Variants in GLI2 observed in about 807,000 individuals in gnomAD.
The protein encoded by GLI2 is GLI family zinc finger 2.
A neutral mutation model predicts 78.9 loss-of-function variants in GLI2; 22 were observed. The ratio of observed to expected loss-of-function variants is 0.28; its 90% CI spans 0.20 to 0.40. The LOEUF is 0.40. Ranked by LOEUF, GLI2 falls within the 10% of genes least tolerant of loss-of-function variation. The pLI, the probability that GLI2 is intolerant of heterozygous loss-of-function variation, is 1.00. For synonymous variants in GLI2, 974 were observed against 963.7 expected (o/e 1.01, Z -0.20); for missense variants, 2,097 against 2,213.2 (o/e 0.95, Z 1.05).
intron 1 of GLI2, among the ~76,000 whole-genome samples, chr2:120,784,441 T>A (rs967833460): frequency 2.6e-5 from 4 of 151,634 alleles, no homozygotes; most frequent in African/African-American, 9.7e-5. Context: ...TGTCTGGGGG[T>A]TGCAGGCTTC....
chr2:120,971,861 CTAGAGT>C (rs1287865796), intron 7 of GLI2, 74 bp from the exon 8 acceptor site: 3 of 1,239,376 alleles, frequency 2.4e-6, no homozygotes, highest in Non-Finnish European at 2.4e-6. Context: ...CGGAGAGATC[CTAGAGT>C]TAAAGTCCAA....
At chr2:120,780,530 C>T (rs1479323684) in intron 1 of GLI2, among the ~76,000 whole-genome samples, 1 of 152,202 alleles carries the variant, frequency 6.6e-6, no homozygotes, top group South Asian at 2.1e-4. Flanking sequence ...CGTTTGCTCC[C>T]CTTCCCAGCA....
In GLI2 at chr2:120,797,403, C is replaced by T. The variant is rs778954239; in HGVS notation, c.83C>T (p.Pro28Leu). The change falls in exon 2 of 14, where the codon CCG becomes CTG. Residue 28 changes from proline (P) to leucine (L), a missense_variant. Around this residue, in one of 5 missense-constraint regions of GLI2, gnomAD observed 578 missense variants for 612.0 expected, o/e 0.94. Transcript: ENST00000361492. ...CTGGAGGCCGCTGGCTTCCCCGACC[C>T]GGGTAAAAAGGCCTCTCCTTTGGTG... is the stretch of plus-strand genomic sequence containing the variant. ...GILEAAGFPD[P>L]GKKASPLVVA... 34 of 1,613,884 alleles carry T rather than the reference C, an allele frequency of 2.1e-5. No homozygotes were observed. Among genetic ancestry groups the T allele is most frequent in the Middle Eastern group, 1.6e-4 (1 of 6,084 alleles).
In GLI2 at chr2:120,748,464, G is replaced by A. The variant is rs183669821; in HGVS notation, c.-31+12179G>A. 3.9e-5 allele frequency among the ~76,000 whole-genome samples: 6 copies of A among 152,252 alleles called. No homozygotes were observed. In the East Asian group the frequency reaches 1.2e-3, roughly 29 times the overall value. Reference sequence around the variant, plus strand: ...GGTTGGGGAAGGAAGGGCAATCTGGGCAGAGGACCTCATAGGGCAAGTGCT... The same window carrying A: ...GGTTGGGGAAGGAAGGGCAATCTGGACAGAGGACCTCATAGGGCAAGTGCT... On this transcript the variant is annotated intron_variant, in intron 1 of 13. Coordinates refer to ENST00000361492, the MANE Select transcript of GLI2 (RefSeq NM_001374353.1).
At chr2:120,858,357 C>T (rs1211837242) in intron 2 of GLI2, among the ~76,000 whole-genome samples, 1 of 152,132 alleles carries the variant, frequency 6.6e-6, no homozygotes, top group African/African-American at 2.4e-5. Flanking sequence ...ATGGTCTCTC[C>T]CCATGCCCCC....
intron 2 of GLI2, among the ~76,000 whole-genome samples, chr2:120,871,881 A>G (rs915741243): frequency 6.6e-6 from 1 of 152,184 alleles, no homozygotes; most frequent in Non-Finnish European, 1.5e-5. Flanking sequence ...GGGCCCATTT[A>G]TTATGTTTCT....
At chr2:120,805,184 AT>A in intron 2 of GLI2, among the ~76,000 whole-genome samples, 1 of 152,208 alleles carries the variant, frequency 6.6e-6, no homozygotes, top group African/African-American at 2.4e-5. Flanking sequence ...TGGCCGCCCC[AT>A]TTCCCCAAGC....
chr2:120,762,445 A>G (rs900467769), intron 1 of GLI2, among the ~76,000 whole-genome samples: 1 of 152,140 alleles, frequency 6.6e-6, no homozygotes, highest in Non-Finnish European at 1.5e-5. Flanking sequence ...GGCTGGTGCC[A>G]AGGCTGGGCT....
chr2:120,893,388 T>C (rs1235446950), intron 2 of GLI2, among the ~76,000 whole-genome samples: 1 of 151,986 alleles, frequency 6.6e-6, no homozygotes, highest in Non-Finnish European at 1.5e-5. Context: ...TTAAGATTCT[T>C]GCTGGGTGCC....
chr2:120,963,606 C>G (rs1291826907), intron 5 of GLI2, among the ~76,000 whole-genome samples: 1 of 151,748 alleles, frequency 6.6e-6, no homozygotes, highest in African/African-American at 2.4e-5. Context: ...GTGTGTCCAC[C>G]TGGGGTGTGT....
At chr2:120,759,939 A>G (rs1020792658) in intron 1 of GLI2, among the ~76,000 whole-genome samples, 2 of 152,216 alleles carry the variant, frequency 1.3e-5, no homozygotes, top group African/African-American at 4.8e-5. Flanking sequence ...CTAAATATGT[A>G]TTTTACAAAA....
intron 2 of GLI2, among the ~76,000 whole-genome samples, chr2:120,853,049 G>A (rs1273700846): frequency 1.3e-5 from 2 of 152,198 alleles, no homozygotes; most frequent in African/African-American, 4.8e-5. Context: ...TCTGGCCCTC[G>A]ACATGATCGC....
chr2:120,951,554 G>A, intron 4 of GLI2, 109 bp downstream of exon 4: 1 of 700,140 alleles, frequency 1.4e-6, no homozygotes. Context: ...CCCCTTGAAT[G>A]GTGACCAGGC....
At chr2:120,926,072 C>CAAAAAAA (rs35224973) in intron 2 of GLI2, among the ~76,000 whole-genome samples, 1 of 63,236 alleles carries the variant, frequency 1.6e-5, no homozygotes, top group Non-Finnish European at 2.5e-5. Context: ...GACTCCGTCT[C>CAAAAAAA]AAAAAAAAAA....
intron 12 of GLI2, 33 bp downstream of exon 12, chr2:120,984,776 G>T: frequency 1.2e-6 from 2 of 1,608,558 alleles, no homozygotes; most frequent in East Asian, 4.5e-5. Flanking sequence ...GCCACGCAAG[G>T]CGACTCCATA....
At chr2:120,799,329 G>C (rs1684575105) in intron 2 of GLI2, among the ~76,000 whole-genome samples, 1 of 152,216 alleles carries the variant, frequency 6.6e-6, no homozygotes, top group Non-Finnish European at 1.5e-5. Flanking sequence ...TGGCTGGTGA[G>C]GTTCCAGCGG....
intron 2 of GLI2, among the ~76,000 whole-genome samples, chr2:120,809,819 T>C (rs934130886): frequency 1.5e-4 from 23 of 151,792 alleles, no homozygotes; most frequent in Non-Finnish European, 3.2e-4. Context: ...ACATTAAGGG[T>C]GCGAGTTTGG....
chr2:120,893,139 C>T (rs1677762441), intron 2 of GLI2, among the ~76,000 whole-genome samples: 1 of 152,260 alleles, frequency 6.6e-6, no homozygotes, highest in Admixed American at 6.5e-5. Context: ...GCAGCTCAGC[C>T]TGTCCTCTGT....
In GLI2 at chr2:120,742,137, CT is replaced by C. The variant is rs777022756; in HGVS notation, c.-31+5853del. Among the ~76,000 whole-genome samples, 118 of 152,348 alleles carry C rather than the reference CT, an allele frequency of 7.7e-4. 2 individuals are homozygous for C. Among genetic ancestry groups the C allele is most frequent in the Non-Finnish European group, 1.4e-3 (95 of 68,034 alleles). The stretch of plus-strand genomic sequence containing the variant: ...CCCGTGACCAAACTTTTGGTGGCGT[CT>C]GAAACTTTTTCTGTAAGGCATCTGC... On this transcript the variant is annotated intron_variant, in intron 1 of 13. Coordinates refer to ENST00000361492, the MANE Select transcript of GLI2 (RefSeq NM_001374353.1).
Sources: allele counts gnomAD v4.1 joint callset (sites outside exome capture counted in the v4.1 genomes callset), GRCh38; gene constraint gnomAD v4.1.1; regional missense constraint gnomAD v4.1.1; transcripts MANE v1.5; gene names NCBI Gene and HGNC (gene_info 2026-07-23, HGNC 2026-07-21).